RORA: variants seen among roughly 807,000 people sequenced by gnomAD.
RORA encodes the protein nuclear receptor ROR-alpha.
A neutral mutation model predicts 69.5 loss-of-function variants in RORA; 7 were observed. That is an observed-to-expected ratio of 0.10 (90% CI 0.06 to 0.19). RORA has a LOEUF of 0.19. RORA is among the 10% of genes least tolerant of loss of function. The pLI is 1.00. For synonymous variants in RORA, 261 were observed against 240.8 expected (o/e 1.08, Z -0.78); for missense variants, 457 against 663.0 (o/e 0.69, Z 3.41).
At chr15:61,043,617 G>C (rs532645648) in intron 1 of RORA, among the ~76,000 whole-genome samples, 11 of 152,116 alleles carry the variant, frequency 7.2e-5, no homozygotes, top group Non-Finnish European at 1.3e-4. Context: ...ACTGTGGCCT[G>C]GGTTTATGCC....
At chr15:61,127,708 C>T (rs554771471) in intron 1 of RORA, among the ~76,000 whole-genome samples, 1 of 152,306 alleles carries the variant, frequency 6.6e-6, no homozygotes, top group African/African-American at 2.4e-5. Flanking sequence ...AACATTTCAA[C>T]AGCAGAACTC....
chr15:60,829,275 C>T (rs986861004), intron 1 of RORA, among the ~76,000 whole-genome samples: 2 of 152,188 alleles, frequency 1.3e-5, no homozygotes, highest in Non-Finnish European at 2.9e-5. Context: ...CAGCAGGTCA[C>T]TGCTGCCCGG....
intron 1 of RORA, among the ~76,000 whole-genome samples, chr15:60,753,765 G>A (rs562157391): frequency 2.0e-5 from 3 of 152,342 alleles, no homozygotes; most frequent in African/African-American, 7.2e-5. Flanking sequence ...CTTTAAGTGT[G>A]TTTGCACAAG....
intron 1 of RORA, among the ~76,000 whole-genome samples, chr15:61,080,272 G>A (rs1450171608): frequency 6.6e-6 from 1 of 151,548 alleles, no homozygotes; most frequent in Admixed American, 6.6e-5. Context: ...TTCCCTTTTC[G>A]TCCTGAAATT....
At chr15:60,954,314 G>T (rs1034783479) in intron 1 of RORA, among the ~76,000 whole-genome samples, 1 of 128,144 alleles carries the variant, frequency 7.8e-6, no homozygotes, top group African/African-American at 2.9e-5. Flanking sequence ...TGGGGGGAGG[G>T]ATAGCATTGG....
At chr15:60,940,820 G>A (rs547273703) in intron 1 of RORA, among the ~76,000 whole-genome samples, 1 of 152,238 alleles carries the variant, frequency 6.6e-6, no homozygotes, top group East Asian at 1.9e-4. Context: ...CCAGCTACTC[G>A]GGAGGCTGAG....
chr15:61,091,636 T>C (rs892165728), intron 1 of RORA, among the ~76,000 whole-genome samples: 1 of 152,194 alleles, frequency 6.6e-6, no homozygotes, highest in African/African-American at 2.4e-5. Flanking sequence ...ATAGATTGAC[T>C]ACAGGAAGCA....
intron 1 of RORA, among the ~76,000 whole-genome samples, chr15:61,042,396 TACACACAA>T (rs1257398681): frequency 3.4e-5 from 5 of 145,004 alleles, no homozygotes; most frequent in East Asian, 2.2e-4. Context: ...CACACACACA[TACACACAA>T]ACACACAAAC....
intron 2 of RORA, among the ~76,000 whole-genome samples, chr15:60,619,156 A>C (rs1472575097): frequency 6.6e-6 from 1 of 152,196 alleles, no homozygotes; most frequent in Admixed American, 6.5e-5. Context: ...GCTTACTGTA[A>C]TGTTTCATAA....
intron 1 of RORA, among the ~76,000 whole-genome samples, chr15:61,129,865 C>T (rs1485528288): frequency 6.6e-6 from 1 of 152,192 alleles, no homozygotes; most frequent in Non-Finnish European, 1.5e-5. Context: ...TCCCCACTTT[C>T]CCCCACCTTT....
chr15:60,944,395 G>A (rs1029903553), intron 1 of RORA, among the ~76,000 whole-genome samples: 14 of 152,090 alleles, frequency 9.2e-5, no homozygotes, highest in Non-Finnish European at 1.2e-4. Context: ...GGAGTTACAG[G>A]TGGTAAAAAA....
chr15:60,553,870 T>A (rs2067288390), intron 2 of RORA, among the ~76,000 whole-genome samples: 1 of 152,194 alleles, frequency 6.6e-6, no homozygotes, highest in Non-Finnish European at 1.5e-5. Context: ...TTTTCCTTTA[T>A]CTTGTCACTT....
rs1193073352 is a variant in RORA, at chr15:60,868,825, G to A, written c.167-190139C>T. Reference sequence around the variant, plus strand: ...TCCAGGGGGGAAAAACACTCAGTAAGAGGAAAATTGAGAAAATGTCTGAGA... The same window carrying A: ...TCCAGGGGGGAAAAACACTCAGTAAAAGGAAAATTGAGAAAATGTCTGAGA... On this transcript the variant is annotated intron_variant, in intron 1 of 10. Transcript: ENST00000335670. Among the ~76,000 whole-genome samples, 5 of 152,176 alleles carry A rather than the reference G, an allele frequency of 3.3e-5. No homozygotes were observed. The East Asian group carries it at 9.6e-4, about 29-fold the overall frequency.
chr15:61,160,821 T>C (rs1038665142), intron 1 of RORA, among the ~76,000 whole-genome samples: 7 of 152,044 alleles, frequency 4.6e-5, no homozygotes, highest in African/African-American at 1.7e-4. Flanking sequence ...CAATGCAGAG[T>C]GAACACAAAG....
chr15:60,671,492 G>T (rs922152513), intron 2 of RORA, among the ~76,000 whole-genome samples: 1 of 152,008 alleles, frequency 6.6e-6, no homozygotes, highest in African/African-American at 2.4e-5. Context: ...AAGTAAGAAG[G>T]TTGGCTAGGC....
At chr15:61,133,781 G>C (rs373007652) in intron 1 of RORA, among the ~76,000 whole-genome samples, 2 of 152,094 alleles carry the variant, frequency 1.3e-5, no homozygotes, top group East Asian at 3.9e-4. Context: ...TTAGTTCCAG[G>C]AATCTGGGAA....
intron 5 of RORA, among the ~76,000 whole-genome samples, chr15:60,506,393 A>C (rs2065502686): frequency 6.6e-6 from 1 of 152,190 alleles, no homozygotes; most frequent in African/African-American, 2.4e-5. Context: ...GAGCATAAGG[A>C]GTTTGAAGAT....
At chr15:60,745,064 A>T (rs2071628470) in intron 1 of RORA, among the ~76,000 whole-genome samples, 1 of 152,232 alleles carries the variant, frequency 6.6e-6, no homozygotes, top group African/African-American at 2.4e-5. Flanking sequence ...TCTTTCTGAA[A>T]GGCCATTTTG....
rs2078433103 is a variant in RORA, at chr15:61,075,303, T to G, written c.166+153750A>C. ...GGGAGGAGGCTCTCTCCATCAGACT[T>G]CAATGTCCTCAAGCAACAGGCAAAA... is the stretch of plus-strand genomic sequence containing the variant. On this transcript the variant is annotated intron_variant, in intron 1 of 10. Transcript: ENST00000335670. Among the ~76,000 whole-genome samples the G allele has an allele frequency of 3.3e-5, 5 of 151,914 alleles. No individual in the cohort carries two copies. The South Asian group carries it at 1.0e-3, about 32-fold the overall frequency.
Sources: gnomAD v4.1 joint callset for allele counts (sites outside exome capture counted in the v4.1 genomes callset) on GRCh38, gnomAD v4.1.1 for gene constraint, MANE v1.5 for transcripts, NCBI Gene and HGNC (gene_info 2026-07-23, HGNC 2026-07-21) for gene names.